The following SLC24A3 variants were observed in gnomAD, a reference collection of about 807,000 sequenced individuals.
SLC24A3 encodes the protein sodium/potassium/calcium exchanger 3.
In SLC24A3, 28 loss-of-function variants were observed where a neutral mutation model predicts 75.8. The observed-to-expected ratio is 0.37, with a 90% confidence interval of 0.27 to 0.51. The LOEUF (loss-of-function observed/expected upper bound fraction) is 0.51, where lower values mean the gene tolerates loss of function less well. SLC24A3 is among the 20% of genes least tolerant of loss of function. The probability of loss-of-function intolerance (pLI) is 0.94; values close to 1 mark genes in which losing one functional copy is unlikely to be tolerated. For synonymous variants in SLC24A3, 372 were observed against 334.1 expected, an observed-to-expected ratio of 1.11 and a Z score of -1.24; for missense variants, 663 against 847.8, an observed-to-expected ratio of 0.78 and a Z score of 2.71.
chr20:19,432,722 G>A (rs1987126290), intron 2 of SLC24A3, among the ~76,000 whole-genome samples: 1 of 152,168 alleles, frequency 6.6e-6, no homozygotes, highest in African/African-American at 2.4e-5. Flanking sequence ...TGCTTTGCTT[G>A]CTCTTTATAG....
chr20:19,602,009 C>G (rs1416795867), intron 6 of SLC24A3, among the ~76,000 whole-genome samples: 1 of 151,986 alleles, frequency 6.6e-6, no homozygotes, highest in Non-Finnish European at 1.5e-5. Context: ...CCTGTCTCTA[C>G]TAAAAATACA....
At chr20:19,248,808 T>C (rs1289557504) in intron 1 of SLC24A3, among the ~76,000 whole-genome samples, 1 of 151,828 alleles carries the variant, frequency 6.6e-6, no homozygotes, top group African/African-American at 2.4e-5. Context: ...AATGGAGTAC[T>C]GTTCAGACTT....
At chr20:19,654,271 A>G in intron 7 of SLC24A3, 135 bp downstream of exon 7, 1 of 752,972 alleles carries the variant, frequency 1.3e-6, no homozygotes, top group Middle Eastern at 3.6e-4. Context: ...TTGGAGGCAG[A>G]TTTATTTCTT....
chr20:19,510,809 C>G (rs1988524182), intron 2 of SLC24A3, among the ~76,000 whole-genome samples: 1 of 152,226 alleles, frequency 6.6e-6, no homozygotes, highest in Admixed American at 6.5e-5. Context: ...AGATAAATGT[C>G]TGTTGGTTAA....
chr20:19,604,200 T>A (rs2031566120), intron 6 of SLC24A3, among the ~76,000 whole-genome samples: 1 of 151,408 alleles, frequency 6.6e-6, no homozygotes, highest in African/African-American at 2.5e-5. Context: ...GTAGGAGTGG[T>A]CTGAAGAGAG....
chr20:19,521,354 C>T (rs2030094734), intron 3 of SLC24A3, among the ~76,000 whole-genome samples: 1 of 152,178 alleles, frequency 6.6e-6, no homozygotes, highest in Non-Finnish European at 1.5e-5. Context: ...GTGACCATCC[C>T]CTATAGGTTG....
chr20:19,522,411 G>A (rs1052282631), intron 3 of SLC24A3, among the ~76,000 whole-genome samples: 7 of 152,188 alleles, frequency 4.6e-5, no homozygotes, highest in African/African-American at 1.7e-4. Flanking sequence ...AGATGTTCTG[G>A]TAAGGAGGAA....
intron 12 of SLC24A3, 148 bp downstream of exon 12, chr20:19,685,509 G>A: frequency 7.5e-7 from 1 of 1,336,668 alleles, no homozygotes; most frequent in Non-Finnish European, 1.0e-6. Flanking sequence ...CTTTGGGCAG[G>A]ACTTTGTTGT....
intron 1 of SLC24A3, among the ~76,000 whole-genome samples, chr20:19,239,530 G>A (rs1024242690): frequency 1.3e-5 from 2 of 152,160 alleles, no homozygotes; most frequent in Non-Finnish European, 2.9e-5. Context: ...GTGCTTCTTC[G>A]GGACATTTGT....
chr20:19,523,046 T>C (rs997108039), intron 3 of SLC24A3, among the ~76,000 whole-genome samples: 1 of 152,096 alleles, frequency 6.6e-6, no homozygotes, highest in African/African-American at 2.4e-5. Flanking sequence ...ACCCAAAAAA[T>C]CCTGCCAAAA....
At chr20:19,365,889 C>T (rs1231295772) in intron 2 of SLC24A3, among the ~76,000 whole-genome samples, 1 of 152,200 alleles carries the variant, frequency 6.6e-6, no homozygotes, top group African/African-American at 2.4e-5. Flanking sequence ...CTGATTTTTC[C>T]CTGACATGTG....
chr20:19,529,923 C>T (rs923725650), intron 3 of SLC24A3, among the ~76,000 whole-genome samples: 1 of 152,162 alleles, frequency 6.6e-6, no homozygotes, highest in Admixed American at 6.5e-5. Context: ...CCAAAAATGG[C>T]AAGAAGTGAA....
chr20:19,275,884 A>G (rs1037458586), intron 1 of SLC24A3, among the ~76,000 whole-genome samples: 1 of 152,058 alleles, frequency 6.6e-6, no homozygotes, highest in Admixed American at 6.6e-5. Context: ...GACATGTGAC[A>G]TGTGAGCCTG....
chr20:19,705,848 A>G (rs2032924565), intron 15 of SLC24A3, among the ~76,000 whole-genome samples: 1 of 152,210 alleles, frequency 6.6e-6, no homozygotes, highest in African/African-American at 2.4e-5. Flanking sequence ...ACATTTCTTA[A>G]TACTCTGTGG....
chr20:19,321,734 A>G (rs1396252228), intron 2 of SLC24A3, among the ~76,000 whole-genome samples: 2 of 152,224 alleles, frequency 1.3e-5, no homozygotes, highest in African/African-American at 4.8e-5. Context: ...CGTTGAATAA[A>G]TACAGTTCCA....
At chr20:19,322,982 G>A (rs1282567711) in intron 2 of SLC24A3, among the ~76,000 whole-genome samples, 5 of 152,000 alleles carry the variant, frequency 3.3e-5, no homozygotes, top group South Asian at 4.2e-4. Context: ...CGAGGCGGGC[G>A]GATCACGAGG....
intron 1 of SLC24A3, among the ~76,000 whole-genome samples, chr20:19,214,758 T>C (rs1981507762): frequency 6.6e-6 from 1 of 152,192 alleles, no homozygotes; most frequent in Non-Finnish European, 1.5e-5. Context: ...TAGTGACATT[T>C]CTATTCAGGT....
intron 2 of SLC24A3, among the ~76,000 whole-genome samples, chr20:19,373,809 C>A (rs1279063859): frequency 6.6e-6 from 1 of 152,024 alleles, no homozygotes; most frequent in Non-Finnish European, 1.5e-5. Context: ...GAGGCATCTA[C>A]TAAGAGCATG....
At chr20:19,479,525 G>A (rs1436087694) in intron 2 of SLC24A3, among the ~76,000 whole-genome samples, 3 of 152,240 alleles carry the variant, frequency 2.0e-5, no homozygotes, top group African/African-American at 4.8e-5. Context: ...AGATTCAAGT[G>A]TCAGTGGTTT....
Sources: gnomAD v4.1 joint callset for allele counts (sites outside exome capture counted in the v4.1 genomes callset) on GRCh38, gnomAD v4.1.1 for gene constraint, MANE v1.5 for transcripts, NCBI Gene and HGNC (gene_info 2026-07-23, HGNC 2026-07-21) for gene names.